The following TSPAN18 variants were observed in gnomAD, a reference collection of about 807,000 sequenced individuals.
The protein encoded by TSPAN18 is tetraspanin 18.
TSPAN18 carries 14 observed loss-of-function variants against 27.3 expected under a neutral mutation model. The observed-to-expected ratio is 0.51, with a 90% CI of 0.34 to 0.80. The LOEUF (loss-of-function observed/expected upper bound fraction) is 0.80, where lower values mean the gene tolerates loss of function less well. TSPAN18 is among the 30% of genes least tolerant of loss of function. The pLI, the probability that TSPAN18 is intolerant of heterozygous loss-of-function variation, is 0.01. For synonymous variants in TSPAN18, 143 were observed against 136.5 expected, an observed-to-expected ratio of 1.05 and a Z score of -0.33; for missense variants, 268 against 323.9, an observed-to-expected ratio of 0.83 and a Z score of 1.32.
At chr11:44,852,132 G>A (rs2135191262) in intron 2 of TSPAN18, among the ~76,000 whole-genome samples, 1 of 152,270 alleles carries the variant, frequency 6.6e-6, no homozygotes, top group East Asian at 1.9e-4. Context: ...CCACCCATTG[G>A]TCGAGTACTG....
Position 44,836,299 on chromosome 11 carries a change from TC to T in TSPAN18, c.-152-24028del, listed in dbSNP as rs138407488. ...GCTGATATGGAGAAAGTTTTAGTTG[TC>T]TGGATAGAAGATTAAACCAGCCACA... On this transcript the variant is annotated intron_variant, in intron 2 of 9. Coordinates refer to ENST00000520358, the MANE Select transcript of TSPAN18 (RefSeq NM_130783.5). 4.4e-3 allele frequency among the ~76,000 whole-genome samples: 677 copies of T among 152,324 alleles called. 7 individuals are homozygous for T. The highest frequency in any genetic ancestry group is 0.016 in the African/African-American group (650 of 41,570).
chr11:44,838,929 A>T (rs940020187), intron 2 of TSPAN18, among the ~76,000 whole-genome samples: 3 of 152,240 alleles, frequency 2.0e-5, no homozygotes, highest in Non-Finnish European at 4.4e-5. Flanking sequence ...TGTCAACTTG[A>T]CTACCTAGAG....
At chr11:44,864,073 G>T (rs1024643449) in intron 3 of TSPAN18, among the ~76,000 whole-genome samples, 1 of 151,940 alleles carries the variant, frequency 6.6e-6, no homozygotes, top group Non-Finnish European at 1.5e-5. Context: ...CGGATCTCAA[G>T]GTCAGGAGTT....
intron 3 of TSPAN18, among the ~76,000 whole-genome samples, chr11:44,866,140 C>T (rs1269904934): frequency 1.3e-5 from 2 of 152,234 alleles, no homozygotes; most frequent in East Asian, 3.9e-4. Flanking sequence ...CACACTCGGG[C>T]ACAGGCCCAG....
rs548879540 is a variant in TSPAN18, at chr11:44,926,430, C to T, written c.616-244C>T. The T allele has an allele frequency of 5.4e-4, 283 of 526,804 alleles. 2 individuals carry two copies. Among genetic ancestry groups the T allele is most frequent in the African/African-American group, 2.9e-3 (152 of 52,350 alleles). 32.6% of individuals were successfully genotyped at this position (526,804 alleles called of 1,614,324 possible). A position where few individuals can be genotyped will look rare whatever the true frequency, so the allele number is the denominator to read the frequency against. On this transcript the variant is annotated intron_variant, in intron 8 of 9. Coordinates refer to ENST00000520358, the MANE Select transcript of TSPAN18 (RefSeq NM_130783.5). ...GTTGCAACATTAGACATGGCCTGCA[C>T]GCTGTCAGTTCTCTGTCCCACCTTA...
intron 2 of TSPAN18, among the ~76,000 whole-genome samples, chr11:44,778,100 C>T (rs1380597585): frequency 6.6e-6 from 1 of 151,840 alleles, no homozygotes; most frequent in Non-Finnish European, 1.5e-5. Flanking sequence ...GTTAGAGCAC[C>T]CATGGGAGGA....
chr11:44,773,680 G>A (rs1269715948), intron 2 of TSPAN18, among the ~76,000 whole-genome samples: 3 of 152,118 alleles, frequency 2.0e-5, no homozygotes, highest in African/African-American at 7.2e-5. Flanking sequence ...CAAGAGGGTT[G>A]CTGTGGGGGG....
intron 2 of TSPAN18, among the ~76,000 whole-genome samples, chr11:44,790,168 T>C (rs1211456671): frequency 6.7e-6 from 1 of 148,402 alleles, no homozygotes; most frequent in Non-Finnish European, 1.5e-5. Flanking sequence ...TGTGTGTGCA[T>C]GTGTGTGTGT....
chr11:44,838,469 C>G (rs189561874), intron 2 of TSPAN18, among the ~76,000 whole-genome samples: 189 of 152,296 alleles, frequency 1.2e-3, no homozygotes, highest in African/African-American at 4.4e-3. Flanking sequence ...GGGACACAGC[C>G]AAACCATATC....
At chr11:44,857,771 T>A (rs1200281147) in intron 2 of TSPAN18, among the ~76,000 whole-genome samples, 1 of 152,156 alleles carries the variant, frequency 6.6e-6, no homozygotes, top group Non-Finnish European at 1.5e-5. Flanking sequence ...GGCCTGGACT[T>A]GGGAAAGGAG....
At chr11:44,776,038 T>C (rs1855798632) in intron 2 of TSPAN18, among the ~76,000 whole-genome samples, 1 of 152,100 alleles carries the variant, frequency 6.6e-6, no homozygotes, top group African/African-American at 2.4e-5. Context: ...CATAATTGAA[T>C]CTCTCTGCTG....
At chr11:44,729,845 T>A (rs951153993) in intron 1 of TSPAN18, among the ~76,000 whole-genome samples, 5 of 152,180 alleles carry the variant, frequency 3.3e-5, no homozygotes, top group African/African-American at 1.2e-4. Context: ...CAGGATTAAT[T>A]CAAGGATGTG....
chr11:44,800,613 T>G (rs1441601280), intron 2 of TSPAN18, among the ~76,000 whole-genome samples: 1 of 152,212 alleles, frequency 6.6e-6, no homozygotes, highest in Admixed American at 6.5e-5. Flanking sequence ...CATTTGCAGC[T>G]GTTCTCTGCC....
At chr11:44,803,279 G>T (rs1465709949) in intron 2 of TSPAN18, among the ~76,000 whole-genome samples, 4 of 152,198 alleles carry the variant, frequency 2.6e-5, no homozygotes, top group African/African-American at 9.6e-5. Context: ...GGGCTGGGAA[G>T]ATGACATTTT....
intron 1 of TSPAN18, among the ~76,000 whole-genome samples, chr11:44,732,520 A>G (rs761888112): frequency 2.0e-5 from 3 of 152,120 alleles, no homozygotes; most frequent in Non-Finnish European, 2.9e-5. Context: ...CCCAGGAATG[A>G]TATCTCTTAG....
chr11:44,805,080 G>T (rs1389627838), intron 2 of TSPAN18, among the ~76,000 whole-genome samples: 1 of 152,232 alleles, frequency 6.6e-6, no homozygotes, highest in Non-Finnish European at 1.5e-5. Flanking sequence ...CTTGTTAGTG[G>T]GAGGGGGTCC....
intron 1 of TSPAN18, among the ~76,000 whole-genome samples, chr11:44,741,649 G>T (rs1590407759): frequency 6.6e-6 from 1 of 152,310 alleles, no homozygotes; most frequent in Non-Finnish European, 1.5e-5. Context: ...AGTCCTCCTG[G>T]CATTTGAATG....
chr11:44,771,391 T>C (rs1855686543), intron 2 of TSPAN18, among the ~76,000 whole-genome samples: 1 of 152,216 alleles, frequency 6.6e-6, no homozygotes, highest in African/African-American at 2.4e-5. Flanking sequence ...GTGTCAACTG[T>C]GCTGGAAGCA....
At chr11:44,861,576 A>G (rs1270055191) in intron 3 of TSPAN18, among the ~76,000 whole-genome samples, 2 of 151,682 alleles carry the variant, frequency 1.3e-5, no homozygotes, top group East Asian at 3.9e-4. Context: ...TGCAAGGGAA[A>G]ATCCAAGCAT....
Sources: allele counts gnomAD v4.1 joint callset (sites outside exome capture counted in the v4.1 genomes callset), GRCh38; gene constraint gnomAD v4.1.1; transcripts MANE v1.5; gene names NCBI Gene and HGNC (gene_info 2026-07-23, HGNC 2026-07-21).